The following ADGRA1 variants were observed in gnomAD, a reference collection of about 807,000 sequenced individuals.
The protein encoded by ADGRA1 is G-protein coupled receptor 123.
In ADGRA1, 12 loss-of-function variants were observed where a neutral mutation model predicts 21.3. That is an observed-to-expected ratio of 0.56 (90% confidence interval 0.36 to 0.91). The LOEUF (loss-of-function observed/expected upper bound fraction) is 0.91. Among genes scored for constraint, ADGRA1 ranks in the 40% least tolerant of loss-of-function variants. ADGRA1 has a pLI of 0.01. For synonymous variants in ADGRA1, 385 were observed against 368.8 expected, an observed-to-expected ratio of 1.04 and a Z score of -0.50; for missense variants, 790 against 805.6, an observed-to-expected ratio of 0.98 and a Z score of 0.23.
rs1224361318 is a variant in ADGRA1, at chr10:133,112,361, G to A, written c.401+9519G>A. Among the ~76,000 whole-genome samples the A allele has an allele frequency of 3.3e-5, 5 of 151,668 alleles. No homozygotes were observed. In the East Asian group the frequency reaches 9.7e-4, roughly 30 times the overall value. ...CTGCAGGCTGCGTCAGTTATTTGGG[G>A]TCTGCGGGCCGTGTCGGTTATTTGG... is the stretch of plus-strand genomic sequence containing the variant. On this transcript the variant is annotated intron_variant, in intron 5 of 6. Coordinates refer to ENST00000392607, the MANE Select transcript of ADGRA1 (RefSeq NM_001083909.3).
At chr10:133,099,791 G>C (rs1851758268) in intron 4 of ADGRA1, among the ~76,000 whole-genome samples, 1 of 152,192 alleles carries the variant, frequency 6.6e-6, no homozygotes. Context: ...TCACCTCCAG[G>C]GCCCAGACAC....
chr10:133,120,960 A>G (rs1252871187), intron 5 of ADGRA1, among the ~76,000 whole-genome samples: 1 of 152,184 alleles, frequency 6.6e-6, no homozygotes, highest in Non-Finnish European at 1.5e-5. Flanking sequence ...CTTAGAGGCC[A>G]TTGTAGGGTT....
intron 2 of ADGRA1, among the ~76,000 whole-genome samples, chr10:133,092,839 GGGAAGGAAGGAAGGAA>G (rs879206917): frequency 1.3e-5 from 1 of 75,612 alleles, no homozygotes; most frequent in Admixed American, 1.4e-4. Context: ...GAGGGAGGGA[GGGAAGGAAGGAAGGAA>G]GGAAGGAAGG....
At chr10:133,095,452 G>T (rs755242837) in intron 2 of ADGRA1, among the ~76,000 whole-genome samples, 7 of 152,236 alleles carry the variant, frequency 4.6e-5, no homozygotes, top group Non-Finnish European at 5.9e-5. Context: ...GGAAAGCAAA[G>T]TGTCTGCTGT....
At chr10:133,118,664 G>A (rs1025582808) in intron 5 of ADGRA1, among the ~76,000 whole-genome samples, 11 of 152,144 alleles carry the variant, frequency 7.2e-5, no homozygotes, top group Non-Finnish European at 1.0e-4. Flanking sequence ...GAGGGAAGCC[G>A]CCCCCTGATC....
At chr10:133,122,268 C>T (rs1852283898) in intron 5 of ADGRA1, among the ~76,000 whole-genome samples, 1 of 152,232 alleles carries the variant, frequency 6.6e-6, no homozygotes, top group African/African-American at 2.4e-5. Flanking sequence ...GAGAGGTGTG[C>T]AGCATCAGCC....
At chr10:133,088,985 G>T in intron 2 of ADGRA1, 73 bp downstream of exon 2, 5 of 1,234,978 alleles carry the variant, frequency 4.0e-6, no homozygotes, top group Non-Finnish European at 4.0e-6. Context: ...CCCGTATGGG[G>T]ACTCCCAGGC....
intron 5 of ADGRA1, among the ~76,000 whole-genome samples, chr10:133,118,254 GC>G (rs750826175): frequency 1.8e-4 from 27 of 152,102 alleles, no homozygotes; most frequent in Non-Finnish European, 3.1e-4. Flanking sequence ...AGGTCACGGT[GC>G]CCACAGGATT....
chr10:133,100,168 C>CGGCCTG (rs1212587832), intron 4 of ADGRA1, among the ~76,000 whole-genome samples: 1 of 150,214 alleles, frequency 6.7e-6, no homozygotes, highest in African/African-American at 2.4e-5. Flanking sequence ...GCCGTGCCCC[C>CGGCCTG]GGCCTGGGCC....
chr10:133,092,587 A>G (rs1033448179), intron 2 of ADGRA1, among the ~76,000 whole-genome samples: 5 of 152,158 alleles, frequency 3.3e-5, no homozygotes, highest in Non-Finnish European at 7.3e-5. Context: ...AGTAGATGCA[A>G]TTATTATTTA....
chr10:133,098,502 G>C, intron 3 of ADGRA1, 138 bp from the exon 4 acceptor site: 1 of 1,012,028 alleles, frequency 9.9e-7, no homozygotes, highest in South Asian at 1.7e-5. Flanking sequence ...CCCCTGACCG[G>C]GTCCTCGGAC....
intron 5 of ADGRA1, among the ~76,000 whole-genome samples, chr10:133,124,825 C>G (rs796711991): frequency 6.8e-6 from 1 of 147,822 alleles, no homozygotes; most frequent in African/African-American, 2.5e-5. Context: ...CGGAGCACCC[C>G]CTTCCCCCGG....
chr10:133,102,834 C>A lies in ADGRA1; in HGVS notation c.393C>A (p.Pro131=), dbSNP rs775554007. The A allele has an allele frequency of 6.2e-7, 1 of 1,610,696 alleles. No individual in the cohort carries two copies. The highest frequency in any genetic ancestry group is 2.2e-5 in the East Asian group (1 of 44,780). ...DTDQPPYPRQ[P]LLRFYLVSGG... is the part of the protein sequence containing the mutation. ...ACCAGCCACCGTACCCCAGGCAGCC[C>A]CTGCTCAGGTACTGAGTGCACATGG... is the stretch of plus-strand genomic sequence containing the variant. The change falls in exon 5 of 7, where the codon CCC becomes CCA. Residue 131 remains proline (P), a synonymous_variant. Transcript: ENST00000392607.
rs1338108073 is a variant in ADGRA1 at position 133,128,833 on chromosome 10, G to T, written c.1005G>T (p.Gly335=). The part of the protein sequence containing the change: ...KDAHPALDAN[G]AALGRAACLH... ...CCCACCCCGCACTTGACGCCAACGG[G>T]GCCGCGCTGGGCCGCGCCGCCTGCC... Residue 335 remains glycine, a synonymous_variant, in exon 7 of 7, where the codon GGG becomes GGT. Coordinates refer to ENST00000392607, the MANE Select transcript of ADGRA1 (RefSeq NM_001083909.3). The T allele has an allele frequency of 2.5e-6, 4 of 1,590,640 alleles. No homozygotes were observed. The highest frequency in any genetic ancestry group is 1.7e-4 in the Middle Eastern group (1 of 6,028).
chr10:133,090,708 G>A (rs1851584240), intron 2 of ADGRA1, among the ~76,000 whole-genome samples: 2 of 151,948 alleles, frequency 1.3e-5, no homozygotes, highest in South Asian at 4.2e-4. Context: ...CCCCACTGCT[G>A]TGCTCTGGGG....
chr10:133,111,722 C>T lies in ADGRA1; in HGVS notation c.401+8880C>T, dbSNP rs567204330. 9.6e-5 allele frequency among the ~76,000 whole-genome samples: 5 copies of T among 51,842 alleles called. 1 individual carries two copies. The highest frequency in any genetic ancestry group is 3.3e-3 in the East Asian group (2 of 606). The allele number at this position is 51,842 out of a possible 152,430, so 34.0% of individuals were successfully genotyped here. On this transcript the variant is annotated intron_variant, in intron 5 of 6. Transcript: ENST00000392607. The stretch of plus-strand genomic sequence containing the variant: ...ATCCCACCAGACCACCTGCCCGCCA[C>T]GGGCACCTCCCTCCTAATCCCACCA...
At position 133,111,136 on chromosome 10, in the gene ADGRA1, G is replaced by A. The variant is rs900034590; in HGVS notation, c.401+8294G>A. ...CCTGCTGGCCACCTGCCCGCCAGGG[G>A]TGCCTCCTCTCCTAATCCCACCAGA... On this transcript the variant is annotated intron_variant, in intron 5 of 6. Transcript: ENST00000392607. Among the ~76,000 whole-genome samples, 9 of 150,424 alleles carry A rather than the reference G, an allele frequency of 6.0e-5. No individual in the cohort carries two copies. In the South Asian group the frequency reaches 1.7e-3, roughly 28 times the overall value.
intron 2 of ADGRA1, 190 bp downstream of exon 2, chr10:133,089,102 C>T: frequency 9.3e-7 from 1 of 1,071,722 alleles, no homozygotes; most frequent in Non-Finnish European, 1.2e-6. Context: ...GTCTGGGCAC[C>T]TCTGCTCCCC....
chr10:133,088,205 C>G (rs1424375095), intron 1 of ADGRA1, 67 bp downstream of exon 1: 2 of 777,838 alleles, frequency 2.6e-6, no homozygotes, highest in African/African-American at 1.9e-5. Context: ...CAGAAAAGCT[C>G]GCGCCCCGAG....
Sources: gnomAD v4.1 joint callset for allele counts (sites outside exome capture counted in the v4.1 genomes callset) on GRCh38, gnomAD v4.1.1 for gene constraint, MANE v1.5 for transcripts, NCBI Gene and HGNC (gene_info 2026-07-23, HGNC 2026-07-21) for gene names.